Variants in PCDHGA9 observed in about 807,000 individuals in gnomAD.
The protein encoded by PCDHGA9 is protocadherin gamma subfamily A, 9.
PCDHGA9 carries 37 observed loss-of-function variants against 62.5 expected under a neutral mutation model. The observed-to-expected ratio is 0.59, with a 90% CI of 0.46 to 0.78. The LOEUF (loss-of-function observed/expected upper bound fraction) is 0.78, where lower values mean the gene tolerates loss of function less well. Among genes scored for constraint, PCDHGA9 ranks in the 30% least tolerant of loss-of-function variants. The pLI is 0.00. For synonymous variants in PCDHGA9, 459 were observed against 484.6 expected (o/e 0.95, Z 0.69); for missense variants, 1,138 against 1,166.2 (o/e 0.98, Z 0.35).
In PCDHGA9 at chr5:141,427,541, C is replaced by G. The variant is rs541988301; in HGVS notation, c.2424+22165C>G. ...AGCGGATCCCGGAGTACAACGTCACCATCACTGCCACTGACAAGGGCAAGC... is the reference window on the plus strand; with the variant it reads ...AGCGGATCCCGGAGTACAACGTCACGATCACTGCCACTGACAAGGGCAAGC... On this transcript the variant is annotated intron_variant, in intron 1 of 3. Coordinates refer to ENST00000573521, the MANE Select transcript of PCDHGA9 (RefSeq NM_018921.3). 3.1e-5 allele frequency: 20 copies of G among 635,320 alleles called. No individual in the cohort carries two copies. The African/African-American group carries it at 3.6e-4, about 11-fold the overall frequency. The allele number at this position is 635,320 out of a possible 1,614,324, so 39.4% of individuals were successfully genotyped here.
chr5:141,433,641 G>T (rs1177387884), intron 1 of PCDHGA9, among the ~76,000 whole-genome samples: 1 of 152,104 alleles, frequency 6.6e-6, no homozygotes, highest in Admixed American at 6.5e-5. Flanking sequence ...TTTGAGACCA[G>T]CCTGACCAAC....
chr5:141,444,082 A>G (rs942113441), intron 1 of PCDHGA9, among the ~76,000 whole-genome samples: 2 of 151,044 alleles, frequency 1.3e-5, no homozygotes, highest in African/African-American at 2.4e-5. Flanking sequence ...TCACCTGAAA[A>G]GTCTGCTAAG....
Position 141,477,012 on chromosome 5 carries a change from T to C in PCDHGA9, c.2425-17795T>C. The C allele has an allele frequency of 6.2e-7, 1 of 1,614,186 alleles. No homozygotes were observed. Among genetic ancestry groups the C allele is most frequent in the Non-Finnish European group, 8.5e-7 (1 of 1,180,026 alleles). On this transcript the variant is annotated intron_variant, in intron 1 of 3. Coordinates refer to ENST00000573521, the MANE Select transcript of PCDHGA9 (RefSeq NM_018921.3). The surrounding 1 kb of genome is among the most constrained non-coding windows in gnomAD (Gnocchi z 4.9). The stretch of plus-strand genomic sequence containing the variant: ...GTGCGGCAACTATTCGCCTTAGACC[T>C]TGTAACCGGGATGCTGACAATCAAG...
Position 141,485,086 on chromosome 5 carries a change from A to T in PCDHGA9, c.2425-9721A>T. 1.0e-6 allele frequency: 1 copy of T among 999,576 alleles called. No individual in the cohort carries two copies. Among genetic ancestry groups the T allele is most frequent in the Non-Finnish European group, 1.5e-6 (1 of 651,740 alleles). 61.9% of individuals were successfully genotyped at this position (999,576 alleles called of 1,614,324 possible). A position where few individuals can be genotyped will look rare whatever the true frequency, so the allele number is the denominator to read the frequency against. On this transcript the variant is annotated intron_variant, in intron 1 of 3. Transcript: ENST00000573521. The surrounding 1 kb of genome is among the most constrained non-coding windows in gnomAD (Gnocchi z 5.7). The stretch of plus-strand genomic sequence containing the variant: ...CCAGAGCTGGCGCGGGGAAAGGGAG[A>T]TAGGTGTCTCCAGCTGCTGTGGCTG...
At position 141,431,213 on chromosome 5, in the gene PCDHGA9, T is replaced by A; in HGVS notation, c.2424+25837T>A. 6.2e-7 allele frequency: 1 copy of A among 1,614,142 alleles called. No individual in the cohort carries two copies. The highest frequency in any genetic ancestry group is 8.5e-7 in the Non-Finnish European group (1 of 1,180,038). On this transcript the variant is annotated intron_variant, in intron 1 of 3. Coordinates refer to ENST00000573521, the MANE Select transcript of PCDHGA9 (RefSeq NM_018921.3). The surrounding 1 kb of genome is among the most constrained non-coding windows in gnomAD (Gnocchi z 4.8). ...TGAAAATGCAGCCACTGAGATGCGG[T>A]TCCCTCTACCCCACGCCTGGGATCC...
Position 141,408,177 on chromosome 5 carries a change from G to A in PCDHGA9, c.2424+2801G>A, listed in dbSNP as rs1359754385. 7.2e-6 allele frequency: 11 copies of A among 1,534,346 alleles called. 1 individual carries two copies. In the South Asian group the frequency reaches 1.3e-4, roughly 19 times the overall value. ...GCACTTTCTCCAACTGGAAAAGCGGGGACCCAGCGAGAACCCGAGCGAACG... is the reference window on the plus strand; with the variant it reads ...GCACTTTCTCCAACTGGAAAAGCGGAGACCCAGCGAGAACCCGAGCGAACG... On this transcript the variant is annotated intron_variant, in intron 1 of 3. Transcript: ENST00000573521.
chr5:141,476,666 G>C lies in PCDHGA9; in HGVS notation c.2425-18141G>C, dbSNP rs2099395856. On this transcript the variant is annotated intron_variant, in intron 1 of 3. Coordinates refer to ENST00000573521, the MANE Select transcript of PCDHGA9 (RefSeq NM_018921.3). This position sits in a 1 kb window ranked among gnomAD's most constrained non-coding sequence, Gnocchi z 7.6. The stretch of plus-strand genomic sequence containing the variant: ...CCGAAATGAATACTTTGCGCTTCGC[G>C]TGCAGACGCGGGAGGACAGCACCAA... 6.2e-7 allele frequency: 1 copy of C among 1,614,246 alleles called. No individual in the cohort carries two copies. The highest frequency in any genetic ancestry group is 8.5e-7 in the Non-Finnish European group (1 of 1,180,044).
At chr5:141,413,177 T>G (rs2095610843) in intron 1 of PCDHGA9, 4 of 1,602,350 alleles carry the variant, frequency 2.5e-6, no homozygotes, top group Non-Finnish European at 3.4e-6. Flanking sequence ...CAGACTACAA[T>G]GGCCGCTCAA....
chr5:141,491,500 G>A lies in PCDHGA9; in HGVS notation c.2425-3307G>A. ...CAGCCCCAACCTGCAGGTGAGCTCG[G>A]ACGGCACGCTCAAGTACATGGAGGT... On this transcript the variant is annotated intron_variant, in intron 1 of 3. Transcript: ENST00000573521. The surrounding 1 kb of genome is among the most constrained non-coding windows in gnomAD (Gnocchi z 6.9). 3 of 1,614,102 alleles carry A rather than the reference G, an allele frequency of 1.9e-6. No homozygotes were observed. The highest frequency in any genetic ancestry group is 2.7e-5 in the African/African-American group (2 of 75,066).
chr5:141,410,349 G>A, intron 1 of PCDHGA9: 1 of 1,613,994 alleles, frequency 6.2e-7, no homozygotes, highest in Non-Finnish European at 8.5e-7. Flanking sequence ...TTGCGCCTGC[G>A]ACGCTCTCTC....
At position 141,491,222 on chromosome 5, in the gene PCDHGA9, C is replaced by A. The variant is rs1185734506; in HGVS notation, c.2425-3585C>A. 6.2e-7 allele frequency: 1 copy of A among 1,614,268 alleles called. No homozygotes were observed. Among genetic ancestry groups the A allele is most frequent in the East Asian group, 2.2e-5 (1 of 44,892 alleles). On this transcript the variant is annotated intron_variant, in intron 1 of 3. Transcript: ENST00000573521. This position sits in a 1 kb window ranked among gnomAD's most constrained non-coding sequence, Gnocchi z 6.9. Reference sequence around the variant, plus strand: ...GACCCTTCACTCTCCTCCACAGCCACAGTGCTGCTGGTTCTGGAGGATGAG... The same window carrying A: ...GACCCTTCACTCTCCTCCACAGCCAAAGTGCTGCTGGTTCTGGAGGATGAG...
chr5:141,451,532 G>T (rs1168984212), intron 1 of PCDHGA9, among the ~76,000 whole-genome samples: 1 of 152,180 alleles, frequency 6.6e-6, no homozygotes, highest in African/African-American at 2.4e-5. Flanking sequence ...AAAGGAGAGT[G>T]CCAGAGAGGG....
At position 141,406,249 on chromosome 5, in the gene PCDHGA9, G is replaced by A. The variant is rs73279090; in HGVS notation, c.2424+873G>A. Among the ~76,000 whole-genome samples, 1,262 of 152,022 alleles carry A rather than the reference G, an allele frequency of 8.3e-3. 17 individuals are homozygous for A. The highest frequency in any genetic ancestry group is 0.029 in the African/African-American group (1,198 of 41,452). On this transcript the variant is annotated intron_variant, in intron 1 of 3. Coordinates refer to ENST00000573521, the MANE Select transcript of PCDHGA9 (RefSeq NM_018921.3). ...CTAGCAAGCTATGTTGCCCAGACTG[G>A]TCTCAAACGATCTTCCTGCTTCAGT...
In PCDHGA9 at chr5:141,489,844, C is replaced by G. The variant is rs1004902910; in HGVS notation, c.2425-4963C>G. Reference sequence around the variant, plus strand: ...GCTGGTGCTAGAGCAGCAGCTGGATCGTGAAGCCCAGGCAAGACATCAGCT... The same window carrying G: ...GCTGGTGCTAGAGCAGCAGCTGGATGGTGAAGCCCAGGCAAGACATCAGCT... On this transcript the variant is annotated intron_variant, in intron 1 of 3. Coordinates refer to ENST00000573521, the MANE Select transcript of PCDHGA9 (RefSeq NM_018921.3). The surrounding 1 kb of genome is among the most constrained non-coding windows in gnomAD (Gnocchi z 4.5). The G allele has an allele frequency of 1.2e-6, 2 of 1,614,030 alleles. No individual in the cohort carries two copies. Among genetic ancestry groups the G allele is most frequent in the Non-Finnish European group, 8.5e-7 (1 of 1,179,990 alleles).
At position 141,490,857 on chromosome 5, in the gene PCDHGA9, C is replaced by G; in HGVS notation, c.2425-3950C>G. 6.2e-7 allele frequency: 1 copy of G among 1,613,832 alleles called. No homozygotes were observed. Among genetic ancestry groups the G allele is most frequent in the Admixed American group, 1.7e-5 (1 of 60,012 alleles). On this transcript the variant is annotated intron_variant, in intron 1 of 3. Coordinates refer to ENST00000573521, the MANE Select transcript of PCDHGA9 (RefSeq NM_018921.3). The surrounding 1 kb of genome is among the most constrained non-coding windows in gnomAD (Gnocchi z 5.4). ...AGATTGTGGTGGGGGTTCGAGACTCCGGCTCTCCCCCATTGCATGCCAACA... is the reference window on the plus strand; with the variant it reads ...AGATTGTGGTGGGGGTTCGAGACTCGGGCTCTCCCCCATTGCATGCCAACA...
chr5:141,413,600 T>C lies in PCDHGA9; in HGVS notation c.2424+8224T>C, dbSNP rs767830855. The C allele has an allele frequency of 3.7e-6, 6 of 1,613,868 alleles. No individual in the cohort carries two copies. The Admixed American group carries it at 8.3e-5, about 22-fold the overall frequency. Reference sequence around the variant, plus strand: ...GCTCCAAAATTCCAAGCAGAAAATCTAGACGTAAAAATTAATGAAAATGTC... The same window carrying C: ...GCTCCAAAATTCCAAGCAGAAAATCCAGACGTAAAAATTAATGAAAATGTC... On this transcript the variant is annotated intron_variant, in intron 1 of 3. Transcript: ENST00000573521.
intron 1 of PCDHGA9, among the ~76,000 whole-genome samples, chr5:141,438,458 G>A (rs1462204360): frequency 6.6e-6 from 1 of 151,538 alleles, no homozygotes. Context: ...CAATGCTTGA[G>A]TTCAATTATT....
intron 2 of PCDHGA9, among the ~76,000 whole-genome samples, chr5:141,496,419 C>T (rs1292183963): frequency 6.6e-6 from 1 of 152,174 alleles, no homozygotes; most frequent in Non-Finnish European, 1.5e-5. Flanking sequence ...TACTTGCTGT[C>T]CACATTTGCC....
In PCDHGA9 at chr5:141,477,070, T is replaced by A; in HGVS notation, c.2425-17737T>A. 6.2e-7 allele frequency: 1 copy of A among 1,613,342 alleles called. No individual in the cohort carries two copies. The highest frequency in any genetic ancestry group is 8.5e-7 in the Non-Finnish European group (1 of 1,179,244). ...TGGACTTCGAGGACACCAAACTCCATGAGATTTACATCCAGGCCAAAGACA... is the reference window on the plus strand; with the variant it reads ...TGGACTTCGAGGACACCAAACTCCAAGAGATTTACATCCAGGCCAAAGACA... On this transcript the variant is annotated intron_variant, in intron 1 of 3. Coordinates refer to ENST00000573521, the MANE Select transcript of PCDHGA9 (RefSeq NM_018921.3). The surrounding 1 kb of genome is among the most constrained non-coding windows in gnomAD (Gnocchi z 4.9).
Sources: allele counts gnomAD v4.1 joint callset (sites outside exome capture counted in the v4.1 genomes callset), GRCh38; gene constraint gnomAD v4.1.1; non-coding constraint Gnocchi (gnomAD v3.1); transcripts MANE v1.5; gene names NCBI Gene and HGNC (gene_info 2026-07-23, HGNC 2026-07-21).